SYNE2: variants seen among roughly 807,000 people sequenced by gnomAD.
The protein encoded by SYNE2 is nesprin-2.
SYNE2 carries 431 observed loss-of-function variants against 856.3 expected under a neutral mutation model. That is an observed-to-expected ratio of 0.50 (90% confidence interval 0.47 to 0.55). The LOEUF (loss-of-function observed/expected upper bound fraction) is 0.55, where lower values mean the gene tolerates loss of function less well. Among genes scored for constraint, SYNE2 ranks in the 20% least tolerant of loss-of-function variants. The pLI, the probability that SYNE2 is intolerant of heterozygous loss-of-function variation, is 0.00. For synonymous variants in SYNE2, 2,923 were observed against 2,872.3 expected, an observed-to-expected ratio of 1.02 and a Z score of -0.56; for missense variants, 8,129 against 8,023.2, an observed-to-expected ratio of 1.01 and a Z score of -0.50.
intron 33 of SYNE2, among the ~76,000 whole-genome samples, chr14:64,016,907 A>C (rs574834138): frequency 6.6e-6 from 1 of 152,294 alleles, no homozygotes; most frequent in African/African-American, 2.4e-5. Context: ...TACATATTTA[A>C]TATAATTTTG....
intron 1 of SYNE2, among the ~76,000 whole-genome samples, chr14:63,835,563 TTGCG>T (rs993864610): frequency 1.0e-5 from 1 of 97,364 alleles, no homozygotes; most frequent in African/African-American, 3.8e-5. Flanking sequence ...ATGTAGATAT[TTGCG>T]TGTGTGTGTG....
At position 64,002,180 on chromosome 14, in the gene SYNE2, TAA is replaced by T. The variant is rs940645347; in HGVS notation, c.3786+100_3786+101del. 7.7e-6 allele frequency: 8 copies of T among 1,037,328 alleles called. No homozygotes were observed. In the African/African-American group the frequency reaches 1.3e-4, roughly 16 times the overall value. 64.3% of individuals were successfully genotyped at this position (1,037,328 alleles called of 1,614,324 possible). A position where few individuals can be genotyped will look rare whatever the true frequency, so the allele number is the denominator to read the frequency against. On this transcript the variant is annotated intron_variant, in intron 29 of 115. Transcript: ENST00000555002. ...TTTAATTATTCATGATAGCATAGAT[TAA>T]GAGTATAAGCCATGACAGTTTTTTT...
chr14:64,175,037 A>T lies in SYNE2; in HGVS notation c.17329A>T (p.Lys5777Ter). The change falls in exon 95 of 116, where the codon AAA (lysine) becomes TAA (stop). Residue 5777 changes from lysine (K) to a stop codon, truncating the protein, a stop_gained. Transcript: ENST00000555002. LOFTEE classifies it high-confidence loss of function. ...ACTGCTCACAACTGACCTGAAAACTAAAGAGTCTGTGGGTAGGAGAATCAG... is the reference window on the plus strand; with the variant it reads ...ACTGCTCACAACTGACCTGAAAACTTAAGAGTCTGTGGGTAGGAGAATCAG... ...KLLLTTDLKT[K>*]ESVGRRISQL... The T allele has an allele frequency of 6.2e-7, 1 of 1,614,168 alleles. No individual in the cohort carries two copies. Among genetic ancestry groups the T allele is most frequent in the Non-Finnish European group, 8.5e-7 (1 of 1,180,030 alleles).
intron 1 of SYNE2, among the ~76,000 whole-genome samples, chr14:63,839,526 A>T (rs1460316832): frequency 6.6e-6 from 1 of 152,054 alleles, no homozygotes; most frequent in Non-Finnish European, 1.5e-5. Context: ...ACTGATTTAT[A>T]AAAGTTCTAG....
In SYNE2 at chr14:64,087,407, C is replaced by T. The variant is rs767165040; in HGVS notation, c.11485-264C>T. The T allele has an allele frequency of 4.5e-5, 28 of 625,450 alleles. No homozygotes were observed. The Middle Eastern group carries it at 8.1e-4, about 18-fold the overall frequency. The allele number at this position is 625,450 out of a possible 1,614,324, so 38.7% of individuals were successfully genotyped here. On this transcript the variant is annotated intron_variant, in intron 57 of 115. Coordinates refer to ENST00000555002, the MANE Select transcript of SYNE2 (RefSeq NM_182914.3). ...ATAATAAAAGACACTTCTCTCTCCC[C>T]TATTATTAAAGGATTCCAAGTGTTT...
chr14:63,924,180 T>G (rs2095632821), intron 2 of SYNE2, among the ~76,000 whole-genome samples: 1 of 152,156 alleles, frequency 6.6e-6, no homozygotes, highest in Non-Finnish European at 1.5e-5. Context: ...GTGGAAGAAT[T>G]TACTTCTAGA....
chr14:63,943,161 A>G (rs1291777427), intron 6 of SYNE2, among the ~76,000 whole-genome samples: 1 of 152,238 alleles, frequency 6.6e-6, no homozygotes, highest in Non-Finnish European at 1.5e-5. Context: ...CTGACTGTGA[A>G]TAATCCCACA....
chr14:63,991,544 T>C (rs1011719496), intron 21 of SYNE2, among the ~76,000 whole-genome samples: 2 of 152,334 alleles, frequency 1.3e-5, no homozygotes, highest in South Asian at 4.1e-4. Context: ...TAAAATACTT[T>C]GATAAAAGTT....
intron 1 of SYNE2, among the ~76,000 whole-genome samples, chr14:63,781,938 C>A (rs980773255): frequency 2.0e-5 from 3 of 151,560 alleles, no homozygotes; most frequent in Non-Finnish European, 4.4e-5. Context: ...AGTCCAGAAG[C>A]TGGAGACCAA....
rs1211851087 is a variant in SYNE2 at position 64,080,581 on chromosome 14, C to T, written c.11289C>T (p.Phe3763=). The T allele has an allele frequency of 6.2e-7, 1 of 1,614,192 alleles. No individual in the cohort carries two copies. Among genetic ancestry groups the T allele is most frequent in the South Asian group, 1.1e-5 (1 of 91,078 alleles). ...QEWMDNLMIP[F]QQYQQVSQRA... ...GGATGGATAACTTGATGATTCCTTT[C>T]CAGCAGTATCAGCAAGTATCACAGA... is the stretch of plus-strand genomic sequence containing the variant. Residue 3763 remains phenylalanine (F), a synonymous_variant, in exon 56 of 116, where the codon TTC becomes TTT. Transcript: ENST00000555002.
chr14:63,872,521 C>T (rs920561742), intron 1 of SYNE2, among the ~76,000 whole-genome samples: 16 of 151,514 alleles, frequency 1.1e-4, no homozygotes, highest in Admixed American at 6.6e-4. Context: ...TTTGGGAGGC[C>T]GAGGCGAGTG....
chr14:63,813,311 A>C (rs1402380416), intron 1 of SYNE2, among the ~76,000 whole-genome samples: 1 of 152,232 alleles, frequency 6.6e-6, no homozygotes, highest in Non-Finnish European at 1.5e-5. Flanking sequence ...ATCGTGTTTC[A>C]GTAGAAAACT....
At chr14:64,072,503 CTTT>C (rs35527459) in intron 52 of SYNE2, among the ~76,000 whole-genome samples, 21 of 143,860 alleles carry the variant, frequency 1.5e-4, no homozygotes, top group Non-Finnish European at 2.0e-4. Context: ...TATACTTCTC[CTTT>C]TTTTTTTTTT....
chr14:64,149,348 T>A (rs1250075747), intron 84 of SYNE2, among the ~76,000 whole-genome samples: 1 of 152,024 alleles, frequency 6.6e-6, no homozygotes, highest in African/African-American at 2.4e-5. Flanking sequence ...TGAAAATGAT[T>A]GATGTATACT....
At chr14:63,821,808 G>T (rs954026498) in intron 1 of SYNE2, among the ~76,000 whole-genome samples, 1 of 151,700 alleles carries the variant, frequency 6.6e-6, no homozygotes, top group Non-Finnish European at 1.5e-5. Context: ...ATTCATAAAA[G>T]GAACTTGTCT....
At chr14:63,773,997 A>C (rs1238789600) in intron 1 of SYNE2, among the ~76,000 whole-genome samples, 1 of 152,180 alleles carries the variant, frequency 6.6e-6, no homozygotes, top group African/African-American at 2.4e-5. Context: ...ATGGATTTTC[A>C]AGTGTCACTA....
intron 62 of SYNE2, 80 bp from the exon 63 acceptor site, chr14:64,098,667 A>C (rs2097696680): frequency 6.8e-7 from 1 of 1,477,130 alleles, no homozygotes; most frequent in African/African-American, 1.4e-5. Flanking sequence ...AATTAGCTAC[A>C]TAAAAATGCA....
intron 93 of SYNE2, 28 bp downstream of exon 93, chr14:64,168,999 G>C (rs1176776635): frequency 1.9e-6 from 3 of 1,561,460 alleles, no homozygotes; most frequent in Non-Finnish European, 2.6e-6. Flanking sequence ...CATGAAGGTT[G>C]TGGGCGGATG....
intron 2 of SYNE2, among the ~76,000 whole-genome samples, chr14:63,919,972 G>GTTTTT (rs10673123): frequency 4.9e-4 from 54 of 110,594 alleles, no homozygotes; most frequent in African/African-American, 1.6e-3. Context: ...TAAAAGGTAA[G>GTTTTT]TTTTTTTTTT....
Sources: gnomAD v4.1 joint callset for allele counts (sites outside exome capture counted in the v4.1 genomes callset) on GRCh38, gnomAD v4.1.1 for gene constraint, MANE v1.5 for transcripts, NCBI Gene and HGNC (gene_info 2026-07-23, HGNC 2026-07-21) for gene names.